Variants in LDLRAD4 observed in about 807,000 individuals in gnomAD.
LDLRAD4 encodes the protein low density lipoprotein receptor class A domain containing 4, also known as low-density lipoprotein receptor class A domain-containing protein 4.
Under a neutral mutation model 17.0 loss-of-function variants are expected in LDLRAD4, and 5 were observed. The ratio of observed to expected loss-of-function variants is 0.29; its 90% CI spans 0.15 to 0.62. The LOEUF is 0.62. Ranked by LOEUF, LDLRAD4 falls within the 20% of genes least tolerant of loss-of-function variation. The pLI, the probability that LDLRAD4 is intolerant of heterozygous loss-of-function variation, is 0.84. For synonymous variants in LDLRAD4, 168 were observed against 171.8 expected, an observed-to-expected ratio of 0.98 and a Z score of 0.17; for missense variants, 340 against 424.7, an observed-to-expected ratio of 0.80 and a Z score of 1.75.
intron 1 of LDLRAD4, chr18:13,239,727 G>GCTGT (rs2042531868): frequency 6.6e-6 from 1 of 152,314 alleles, no homozygotes; most frequent in Non-Finnish European, 1.5e-5. Flanking sequence ...AGATGCCCTG[G>GCTGT]CTGTCCTTGG....
intron 3 of LDLRAD4, among the ~76,000 whole-genome samples, chr18:13,466,904 G>T (rs1186029115): frequency 6.6e-6 from 1 of 152,140 alleles, no homozygotes; most frequent in African/African-American, 2.4e-5. Context: ...ATTTATGAGG[G>T]CTCCGCCCTC....
chr18:13,360,630 C>T (rs1426898993), intron 1 of LDLRAD4, among the ~76,000 whole-genome samples: 7 of 152,220 alleles, frequency 4.6e-5, no homozygotes, highest in Non-Finnish European at 8.8e-5. Context: ...TGCCTTCAAA[C>T]GTACTGGCCA....
At chr18:13,296,118 C>T (rs143765921) in intron 1 of LDLRAD4, among the ~76,000 whole-genome samples, 40 of 152,368 alleles carry the variant, frequency 2.6e-4, no homozygotes, top group South Asian at 8.3e-4. Flanking sequence ...CCCTCCAGCG[C>T]GGTTTCACGA....
chr18:13,461,588 C>T (rs1348885962), intron 3 of LDLRAD4: 2 of 152,306 alleles, frequency 1.3e-5, no homozygotes. Flanking sequence ...GCAAGCGGCT[C>T]CTGAGCCCGG....
At chr18:13,326,800 G>T (rs1391029364) in intron 1 of LDLRAD4, among the ~76,000 whole-genome samples, 1 of 151,310 alleles carries the variant, frequency 6.6e-6, no homozygotes, top group Non-Finnish European at 1.5e-5. Flanking sequence ...ATGGAGTCTC[G>T]CTCTGTCACC....
At chr18:13,477,752 G>C (rs529330623) in intron 3 of LDLRAD4, among the ~76,000 whole-genome samples, 40 of 152,210 alleles carry the variant, frequency 2.6e-4, no homozygotes, top group Non-Finnish European at 5.3e-4. Context: ...GATGAGCCAT[G>C]TTCGCATTTT....
At chr18:13,308,299 G>A (rs753151812) in intron 1 of LDLRAD4, among the ~76,000 whole-genome samples, 2 of 152,142 alleles carry the variant, frequency 1.3e-5, no homozygotes, top group Non-Finnish European at 2.9e-5. Flanking sequence ...TACATAACCA[G>A]TCCTCTATTG....
chr18:13,346,086 C>T (rs1260135913), intron 1 of LDLRAD4, among the ~76,000 whole-genome samples: 5 of 152,138 alleles, frequency 3.3e-5, no homozygotes, highest in African/African-American at 9.7e-5. Context: ...TCCTTCAGTT[C>T]TGCCCTGATC....
intron 1 of LDLRAD4, among the ~76,000 whole-genome samples, chr18:13,245,476 C>T (rs1208015841): frequency 6.6e-6 from 1 of 152,214 alleles, no homozygotes; most frequent in Non-Finnish European, 1.5e-5. Flanking sequence ...GCATTATTAG[C>T]ATCATCACTT....
chr18:13,355,596 C>T (rs764182579), intron 1 of LDLRAD4, among the ~76,000 whole-genome samples: 17 of 152,164 alleles, frequency 1.1e-4, no homozygotes, highest in Non-Finnish European at 1.3e-4. Context: ...ATGCTGAAAT[C>T]GCTTTGGTCA....
intron 3 of LDLRAD4, among the ~76,000 whole-genome samples, chr18:13,570,361 G>A (rs537911489): frequency 6.6e-6 from 1 of 152,346 alleles, no homozygotes; most frequent in Admixed American, 6.5e-5. Flanking sequence ...TAGACAACCA[G>A]CAGGCGGGAG....
intron 1 of LDLRAD4, among the ~76,000 whole-genome samples, chr18:13,253,542 G>A (rs762509609): frequency 2.0e-5 from 3 of 152,118 alleles, no homozygotes; most frequent in African/African-American, 4.8e-5. Context: ...GCCCCTTTTC[G>A]GATTGATTAT....
rs1721392694 is a variant in LDLRAD4 at position 13,545,563 on chromosome 18, T to C, written c.182-75554T>C. Among the ~76,000 whole-genome samples the C allele has an allele frequency of 2.0e-5, 3 of 152,282 alleles. No homozygotes were observed. In the South Asian group the frequency reaches 6.2e-4, roughly 32 times the overall value. ...AATGGCTTTCTCCTTTATGGAGTCC[T>C]GTGCTGAGGCCAGCAGTAGCTCTGG... On this transcript the variant is annotated intron_variant, in intron 3 of 5. Transcript: ENST00000359446.
intron 3 of LDLRAD4, among the ~76,000 whole-genome samples, chr18:13,550,526 C>T (rs2094421125): frequency 6.6e-6 from 1 of 152,208 alleles, no homozygotes; most frequent in South Asian, 2.1e-4. Context: ...ATCATAAACA[C>T]ATGCTGTGAG....
At chr18:13,480,995 G>A (rs1407558389) in intron 3 of LDLRAD4, among the ~76,000 whole-genome samples, 4 of 152,154 alleles carry the variant, frequency 2.6e-5, no homozygotes, top group Admixed American at 2.6e-4. Flanking sequence ...TGGCCTGATC[G>A]TTGTCTTCCT....
intron 3 of LDLRAD4, among the ~76,000 whole-genome samples, chr18:13,459,607 T>G (rs1257606079): frequency 6.6e-6 from 1 of 152,094 alleles, no homozygotes; most frequent in Admixed American, 6.6e-5. Context: ...GGTCTCAAAC[T>G]CCTGGCCTCA....
intron 3 of LDLRAD4, among the ~76,000 whole-genome samples, chr18:13,548,253 A>C (rs1457108385): frequency 6.6e-6 from 1 of 150,620 alleles, no homozygotes; most frequent in Non-Finnish European, 1.5e-5. Flanking sequence ...GCCTGGAAAA[A>C]GCACCGTAAG....
intron 2 of LDLRAD4, among the ~76,000 whole-genome samples, chr18:13,392,210 T>G (rs1465279371): frequency 6.6e-6 from 1 of 152,244 alleles, no homozygotes; most frequent in African/African-American, 2.4e-5. Context: ...GGGTGTGTCC[T>G]CCACGGTTCA....
intron 3 of LDLRAD4, among the ~76,000 whole-genome samples, chr18:13,586,862 TAAAA>T (rs61241675): frequency 1.9e-5 from 2 of 104,202 alleles, no homozygotes. Context: ...ACTCTGAATC[TAAAA>T]AAAAAAAAAA....
Sources: allele counts gnomAD v4.1 joint callset (sites outside exome capture counted in the v4.1 genomes callset), GRCh38; gene constraint gnomAD v4.1.1; transcripts MANE v1.5; gene names NCBI Gene and HGNC (gene_info 2026-07-23, HGNC 2026-07-21).